ZNF521: variants seen among roughly 807,000 people sequenced by gnomAD.
ZNF521 encodes LYST-interacting protein 3.
A neutral mutation model predicts 105.5 loss-of-function variants in ZNF521; 14 were observed. The observed-to-expected ratio is 0.13, with a 90% CI of 0.09 to 0.21. ZNF521 has a LOEUF of 0.21. Ranked by LOEUF, ZNF521 falls within the 10% of genes least tolerant of loss-of-function variation. The pLI is 1.00. For missense variants in ZNF521, 1,233 were observed against 1,629.7 expected, an observed-to-expected ratio of 0.76 and a Z score of 4.19; for synonymous variants, 635 against 606.0, an observed-to-expected ratio of 1.05 and a Z score of -0.70.
At chr18:25,063,449 G>A (rs1217060836) in intron 7 of ZNF521, among the ~76,000 whole-genome samples, 1 of 152,180 alleles carries the variant, frequency 6.6e-6, no homozygotes, top group African/African-American at 2.4e-5. Flanking sequence ...AGCCTGTGCT[G>A]TATATTGGTG....
At chr18:25,129,244 C>T (rs982777277) in intron 5 of ZNF521, among the ~76,000 whole-genome samples, 69 of 97,016 alleles carry the variant, frequency 7.1e-4, no homozygotes, top group East Asian at 4.1e-3. Context: ...GACTTTCACA[C>T]GGAATAATAA....
chr18:25,179,484 G>A (rs953980511), intron 5 of ZNF521, among the ~76,000 whole-genome samples: 1 of 152,010 alleles, frequency 6.6e-6, no homozygotes, highest in Non-Finnish European at 1.5e-5. Flanking sequence ...TTACGTGTGT[G>A]CATGTGTGTA....
intron 5 of ZNF521, among the ~76,000 whole-genome samples, chr18:25,132,522 T>G (rs1029935908): frequency 1.3e-5 from 2 of 152,186 alleles, no homozygotes; most frequent in Non-Finnish European, 2.9e-5. Context: ...TATGAAACTA[T>G]TTTTTAATGT....
chr18:25,137,066 C>T (rs1267270505), intron 5 of ZNF521, among the ~76,000 whole-genome samples: 5 of 152,226 alleles, frequency 3.3e-5, no homozygotes, highest in South Asian at 4.1e-4. Flanking sequence ...AGTCCAAATC[C>T]GATTACGTCT....
At chr18:25,243,841 T>G (rs892367042) in intron 3 of ZNF521, among the ~76,000 whole-genome samples, 1 of 152,158 alleles carries the variant, frequency 6.6e-6, no homozygotes, top group Admixed American at 6.5e-5. Flanking sequence ...TTCACTGTAA[T>G]GTAAAATTGA....
intron 5 of ZNF521, among the ~76,000 whole-genome samples, chr18:25,135,448 C>T (rs934516957): frequency 3.3e-5 from 5 of 152,012 alleles, no homozygotes; most frequent in East Asian, 3.9e-4. Context: ...GGGCTGGAGA[C>T]GGCTCCATGA....
At position 25,224,435 on chromosome 18, in the gene ZNF521, G is replaced by A. The variant is rs1222839803; in HGVS notation, c.3483C>T (p.His1161=). The A allele has an allele frequency of 6.2e-7, 1 of 1,614,078 alleles. No individual in the cohort carries two copies. Among genetic ancestry groups the A allele is most frequent in the Non-Finnish European group, 8.5e-7 (1 of 1,179,998 alleles). ...SELQNHIQTI[H]RELVPDSNST... is the part of the protein sequence containing the mutation. The stretch of plus-strand genomic sequence containing the variant: ...TGTTGCTGTCTGGCACGAGCTCTCG[G>A]TGGATGGTTTGGATGTGGTTCTGGA... Residue 1161 remains histidine, a synonymous_variant, in exon 4 of 8, where the codon CAC becomes CAT. Coordinates refer to ENST00000361524, the MANE Select transcript of ZNF521 (RefSeq NM_015461.3).
chr18:25,314,015 TTAA>T (rs1640396922), intron 3 of ZNF521, among the ~76,000 whole-genome samples: 1 of 151,958 alleles, frequency 6.6e-6, no homozygotes, highest in Admixed American at 6.6e-5. Flanking sequence ...GAAACATAAA[TTAA>T]TAACACTTAA....
chr18:25,160,806 T>C (rs1192926957), intron 5 of ZNF521, among the ~76,000 whole-genome samples: 1 of 152,102 alleles, frequency 6.6e-6, no homozygotes, highest in Non-Finnish European at 1.5e-5. Context: ...TGACAATTTT[T>C]AGGGGGATGT....
At chr18:25,094,256 G>A (rs537410530) in intron 5 of ZNF521, among the ~76,000 whole-genome samples, 1 of 152,196 alleles carries the variant, frequency 6.6e-6, no homozygotes, top group East Asian at 1.9e-4. Context: ...TCTTGACTAT[G>A]AGTATTTTGT....
chr18:25,121,000 A>C (rs2034429145), intron 5 of ZNF521, among the ~76,000 whole-genome samples: 1 of 152,162 alleles, frequency 6.6e-6, no homozygotes, highest in Non-Finnish European at 1.5e-5. Flanking sequence ...CTCAGTAGTA[A>C]ATTTCATAGT....
At chr18:25,195,647 TG>T (rs1429181326) in intron 4 of ZNF521, among the ~76,000 whole-genome samples, 1 of 151,664 alleles carries the variant, frequency 6.6e-6, no homozygotes, top group Non-Finnish European at 1.5e-5. Context: ...CCAACATAAC[TG>T]GGGTGTTGCT....
At chr18:25,196,578 G>A (rs566474537) in intron 4 of ZNF521, among the ~76,000 whole-genome samples, 1 of 151,580 alleles carries the variant, frequency 6.6e-6, no homozygotes, top group African/African-American at 2.4e-5. Context: ...ATTTCCATTG[G>A]AAGCTGTCTA....
intron 5 of ZNF521, among the ~76,000 whole-genome samples, chr18:25,118,479 G>A (rs2144336368): frequency 6.6e-6 from 1 of 151,974 alleles, no homozygotes; most frequent in African/African-American, 2.4e-5. Flanking sequence ...TACCTATGTA[G>A]ACATAATACA....
At chr18:25,232,740 T>C (rs1045201239) in intron 3 of ZNF521, among the ~76,000 whole-genome samples, 20 of 152,190 alleles carry the variant, frequency 1.3e-4, no homozygotes, top group Non-Finnish European at 2.2e-4. Context: ...ATACCTCTCT[T>C]CTCCTTAAAA....
At chr18:25,327,837 T>G (rs1913321409) in intron 2 of ZNF521, among the ~76,000 whole-genome samples, 1 of 152,182 alleles carries the variant, frequency 6.6e-6, no homozygotes, top group South Asian at 2.1e-4. Context: ...CTCATTTTTT[T>G]TATTACTGTC....
At chr18:25,276,708 C>T (rs1910053879) in intron 3 of ZNF521, among the ~76,000 whole-genome samples, 1 of 152,206 alleles carries the variant, frequency 6.6e-6, no homozygotes, top group South Asian at 2.1e-4. Flanking sequence ...CTGCCCCTTC[C>T]AAAGCCTCGT....
intron 4 of ZNF521, chr18:25,200,999 C>G (rs1384892996): frequency 2.0e-5 from 3 of 150,348 alleles, no homozygotes; most frequent in African/African-American, 7.4e-5. Context: ...TTGATTCATT[C>G]ACATACTTTG....
At chr18:25,135,438 G>A (rs2144411079) in intron 5 of ZNF521, among the ~76,000 whole-genome samples, 1 of 152,134 alleles carries the variant, frequency 6.6e-6, no homozygotes, top group South Asian at 2.1e-4. Context: ...GATGGGGGTT[G>A]GGCTGGAGAC....
Sources: gnomAD v4.1 joint callset for allele counts (sites outside exome capture counted in the v4.1 genomes callset) on GRCh38, gnomAD v4.1.1 for gene constraint, MANE v1.5 for transcripts, NCBI Gene and HGNC (gene_info 2026-07-23, HGNC 2026-07-21) for gene names.